Variants in AFDN observed in about 807,000 individuals in gnomAD.
AFDN encodes the protein afadin, adherens junction formation factor.
In AFDN, 68 loss-of-function variants were observed where a neutral mutation model predicts 216.6. That is an observed-to-expected ratio of 0.31 (90% confidence interval 0.26 to 0.38). The LOEUF is 0.38. Among genes scored for constraint, AFDN ranks in the 10% least tolerant of loss-of-function variants. The pLI, the probability that AFDN is intolerant of heterozygous loss-of-function variation, is 1.00. For missense variants in AFDN, 2,136 were observed against 2,342.0 expected (o/e 0.91, Z 1.82); for synonymous variants, 868 against 853.7 (o/e 1.02, Z -0.29).
intron 1 of AFDN, among the ~76,000 whole-genome samples, chr6:167,847,157 C>T (rs1781792177): frequency 6.6e-6 from 1 of 152,118 alleles, no homozygotes; most frequent in African/African-American, 2.4e-5. Flanking sequence ...TCTTCTGATG[C>T]AGCAGCAGTT....
intron 1 of AFDN, among the ~76,000 whole-genome samples, chr6:167,830,890 G>T (rs1441339348): frequency 6.9e-6 from 1 of 144,474 alleles, no homozygotes; most frequent in East Asian, 2.2e-4. Context: ...ACTAATATTA[G>T]CTTGTGACTA....
chr6:167,868,459 T>C (rs1784435463), intron 2 of AFDN, among the ~76,000 whole-genome samples: 1 of 152,214 alleles, frequency 6.6e-6, no homozygotes, highest in Non-Finnish European at 1.5e-5. Context: ...TATTTATCAT[T>C]TATTGCTTCA....
intron 26 of AFDN, among the ~76,000 whole-genome samples, chr6:167,944,976 AAT>A (rs941563354): frequency 1.3e-5 from 2 of 151,314 alleles, no homozygotes; most frequent in African/African-American, 4.9e-5. Flanking sequence ...TAAATTTACA[AAT>A]ATATATATAT....
chr6:167,854,188 G>T (rs1236828938), intron 1 of AFDN, among the ~76,000 whole-genome samples: 1 of 151,904 alleles, frequency 6.6e-6, no homozygotes, highest in Non-Finnish European at 1.5e-5. Context: ...TTGTTTTATT[G>T]TGGGTGAGGT....
chr6:167,844,872 G>GTTTTTTTTT (rs1289118837), intron 1 of AFDN, among the ~76,000 whole-genome samples: 8 of 137,398 alleles, frequency 5.8e-5, no homozygotes, highest in Non-Finnish European at 7.8e-5. Flanking sequence ...TTTTTTTTTG[G>GTTTTTTTTT]TTTTTGAGAC....
intron 23 of AFDN, among the ~76,000 whole-genome samples, chr6:167,928,127 T>C (rs1473826921): frequency 6.6e-6 from 1 of 152,238 alleles, no homozygotes; most frequent in Non-Finnish European, 1.5e-5. Flanking sequence ...TTGTTTCCTA[T>C]AGATTCAAGT....
chr6:167,918,695 T>C (rs779044715), intron 20 of AFDN, 40 bp from the exon 21 acceptor site: 1 of 1,596,556 alleles, frequency 6.3e-7, no homozygotes, highest in African/African-American at 1.3e-5. Flanking sequence ...CACCAGGCAG[T>C]GAGCATCTCT....
chr6:167,936,660 T>C (rs1057031149), intron 23 of AFDN, among the ~76,000 whole-genome samples: 3 of 152,168 alleles, frequency 2.0e-5, no homozygotes, highest in Non-Finnish European at 2.9e-5. Flanking sequence ...GGAATTGTTA[T>C]GGCTCGACAG....
chr6:167,925,760 TACTC>T (rs1165888098), intron 23 of AFDN, among the ~76,000 whole-genome samples: 3 of 152,342 alleles, frequency 2.0e-5, no homozygotes, highest in Admixed American at 6.5e-5. Context: ...GACTTGGTGT[TACTC>T]ACTCATGAGC....
chr6:167,955,219 A>G (rs1221301157), intron 30 of AFDN, among the ~76,000 whole-genome samples: 1 of 152,224 alleles, frequency 6.6e-6, no homozygotes, highest in Admixed American at 6.5e-5. Context: ...AAAAGCCAAT[A>G]TCAGACGGTA....
Position 167,915,354 on chromosome 6 carries a change from A to G in AFDN, c.2486A>G (p.Gln829Arg). The change falls in exon 19 of 34, where the codon CAG becomes CGG. Residue 829 changes from glutamine to arginine, a missense_variant. Transcript: ENST00000683244. ...SHYWGAIIRQQLGHIEAWAEK... is the reference protein window; with the variant it reads ...SHYWGAIIRQRLGHIEAWAEK... ...TACTGGGGTGCGATTATCCGTCAGC[A>G]GTTGGGCCATATTGAAGCCTGGGCT... is the stretch of plus-strand genomic sequence containing the variant. 6.2e-7 allele frequency: 1 copy of G among 1,614,246 alleles called. No individual in the cohort carries two copies. Among genetic ancestry groups the G allele is most frequent in the Non-Finnish European group, 8.5e-7 (1 of 1,180,044 alleles).
At chr6:167,964,047 A>G (rs1390601534) in intron 31 of AFDN, 31 of 1,064,178 alleles carry the variant, frequency 2.9e-5, no homozygotes, top group Non-Finnish European at 3.5e-5. Flanking sequence ...GTGCACATGC[A>G]GAGAGGACCA....
At position 167,902,346 on chromosome 6, in the gene AFDN, G is replaced by A; in HGVS notation, c.1610G>A (p.Gly537Glu). 1.2e-6 allele frequency: 2 copies of A among 1,612,954 alleles called. No individual in the cohort carries two copies. The highest frequency in any genetic ancestry group is 4.5e-5 in the East Asian group (2 of 44,808). The change falls in exon 12 of 34, where the codon GGA becomes GAA. Residue 537 changes from glycine (G) to glutamate (E), a missense_variant. Gly to Glu is a moderately conservative substitution (Grantham distance 98). Around this residue, in one of 8 missense-constraint regions of AFDN, gnomAD observed 817 missense variants for 965.7 expected, o/e 0.85. Coordinates refer to ENST00000683244, the MANE Select transcript of AFDN (RefSeq NM_001386888.1). The stretch of plus-strand genomic sequence containing the variant: ...GTTCAGGAGACAACTTTTGATTTGG[G>A]AGGAGATATTCATAGTGGGACAGCA... ...GIVQETTFDL[G>E]GDIHSGTALP...
chr6:167,880,542 G>A, intron 6 of AFDN, 25 bp downstream of exon 6: 1 of 1,607,486 alleles, frequency 6.2e-7, no homozygotes, highest in Non-Finnish European at 8.5e-7. Context: ...CAAATCAGTA[G>A]TTCTTTCTAC....
chr6:167,911,950 C>G (rs1562657615), intron 15 of AFDN: 1 of 177,772 alleles, frequency 5.6e-6, no homozygotes, highest in Non-Finnish European at 1.2e-5. Context: ...TTCTCTTCCC[C>G]CGTTCCCTGG....
chr6:167,919,241 A>G (rs1469589553), intron 21 of AFDN, among the ~76,000 whole-genome samples: 2 of 152,210 alleles, frequency 1.3e-5, no homozygotes, highest in Admixed American at 6.5e-5. Flanking sequence ...CCTTCTTGGT[A>G]TTTTATGAGC....
In AFDN at chr6:167,827,126, C is replaced by T; in HGVS notation, c.-7C>T. On this transcript the variant is annotated 5_prime_UTR_variant, in exon 1 of 34. Coordinates refer to ENST00000683244, the MANE Select transcript of AFDN (RefSeq NM_001386888.1). ...CCCCGCGCGGCTGAGGAGGCGCGGCCAGGACCATGTCGGCGGGCGGCCGTG... is the reference window on the plus strand; with the variant it reads ...CCCCGCGCGGCTGAGGAGGCGCGGCTAGGACCATGTCGGCGGGCGGCCGTG... The T allele has an allele frequency of 7.9e-7, 1 of 1,273,418 alleles. No homozygotes were observed. The highest frequency in any genetic ancestry group is 1.0e-6 in the Non-Finnish European group (1 of 979,730). 78.9% of individuals were successfully genotyped at this position (1,273,418 alleles called of 1,614,324 possible).
At chr6:167,943,077 A>G (rs1794883844) in intron 23 of AFDN, 52 bp from the exon 24 acceptor site, 2 of 1,503,456 alleles carry the variant, frequency 1.3e-6, no homozygotes, top group Non-Finnish European at 1.8e-6. Flanking sequence ...TGCATAGTGC[A>G]TTTCTTACAA....
Position 167,827,020 on chromosome 6 carries a change from G to A in AFDN, c.-113G>A. ...CCGCGGAGGCGGAGGCAGCCGCGGA[G>A]GCGGAGGCGGCCGGCGGGGGGTGGC... On this transcript the variant is annotated 5_prime_UTR_variant, in exon 1 of 34. Transcript: ENST00000683244. 1 of 302,378 alleles carries A rather than the reference G, an allele frequency of 3.3e-6. No homozygotes were observed. Among genetic ancestry groups the A allele is most frequent in the Non-Finnish European group, 4.9e-6 (1 of 205,872 alleles). The allele number at this position is 302,378 out of a possible 1,614,324, so 18.7% of individuals were successfully genotyped here.
Sources: gnomAD v4.1 joint callset for allele counts (sites outside exome capture counted in the v4.1 genomes callset) on GRCh38, gnomAD v4.1.1 for gene constraint, gnomAD v4.1.1 regional missense constraint, MANE v1.5 for transcripts, NCBI Gene and HGNC (gene_info 2026-07-23, HGNC 2026-07-21) for gene names.